Variants in ADAMTS18 observed in about 807,000 individuals in gnomAD.
ADAMTS18 encodes A disintegrin and metalloproteinase with thrombospondin motifs 18.
ADAMTS18 carries 157 observed loss-of-function variants against 165.9 expected under a neutral mutation model. The ratio of observed to expected loss-of-function variants is 0.95; its 90% CI spans 0.83 to 1.08. The LOEUF (loss-of-function observed/expected upper bound fraction) is 1.08. ADAMTS18 is among the 50% of genes least tolerant of loss of function. The pLI is 0.00. For synonymous variants in ADAMTS18, 782 were observed against 578.2 expected, an observed-to-expected ratio of 1.35 and a Z score of -5.06; for missense variants, 2,040 against 1,534.0, an observed-to-expected ratio of 1.33 and a Z score of -5.51.
rs772453654 is a variant in ADAMTS18, at chr16:77,297,263, C to G, written c.2801+26G>C. 25 of 1,613,842 alleles carry G rather than the reference C, an allele frequency of 1.5e-5. No individual in the cohort carries two copies. In the South Asian group the frequency reaches 1.9e-4, roughly 12 times the overall value. On this transcript the variant is annotated intron_variant, in intron 18 of 22. Coordinates refer to ENST00000282849, the MANE Select transcript of ADAMTS18 (RefSeq NM_199355.4). Reference sequence around the variant, plus strand: ...GAAGGCATACAAGTACAAAACTAAACAAAAAGACACTTCCAAATGACTTAC... The same window carrying G: ...GAAGGCATACAAGTACAAAACTAAAGAAAAAGACACTTCCAAATGACTTAC...
chr16:77,297,184 T>A (rs553066737), intron 18 of ADAMTS18, 105 bp downstream of exon 18: 2 of 1,497,408 alleles, frequency 1.3e-6, no homozygotes, highest in African/African-American at 2.8e-5. Context: ...TACCTTTGAA[T>A]CACTTTCCAT....
At chr16:77,377,450 A>G (rs1205646017) in intron 3 of ADAMTS18, among the ~76,000 whole-genome samples, 1 of 152,268 alleles carries the variant, frequency 6.6e-6, no homozygotes, top group Non-Finnish European at 1.5e-5. Context: ...ATCAAAATTT[A>G]AAAGATCTAA....
intron 3 of ADAMTS18, among the ~76,000 whole-genome samples, chr16:77,400,366 G>A (rs992093699): frequency 6.6e-6 from 1 of 151,884 alleles, no homozygotes; most frequent in Non-Finnish European, 1.5e-5. Context: ...TAAGACCCCT[G>A]GGACTACCCC....
intron 3 of ADAMTS18, among the ~76,000 whole-genome samples, chr16:77,396,483 A>G (rs1397985067): frequency 6.6e-6 from 1 of 152,238 alleles, no homozygotes; most frequent in Non-Finnish European, 1.5e-5. Flanking sequence ...CATGAGTAGT[A>G]TAATTTTTGA....
chr16:77,349,873 G>C (rs565906021), intron 10 of ADAMTS18, among the ~76,000 whole-genome samples: 1 of 152,182 alleles, frequency 6.6e-6, no homozygotes, highest in East Asian at 1.9e-4. Flanking sequence ...TCTTCCCCAC[G>C]ATTTCTACTC....
At chr16:77,321,727 ATTC>A (rs2056002141) in intron 14 of ADAMTS18, among the ~76,000 whole-genome samples, 1 of 152,252 alleles carries the variant, frequency 6.6e-6, no homozygotes, top group Non-Finnish European at 1.5e-5. Context: ...TATTATTTAC[ATTC>A]TTATTTCATT....
intron 10 of ADAMTS18, among the ~76,000 whole-genome samples, chr16:77,344,664 G>A (rs1312101550): frequency 1.3e-5 from 2 of 152,002 alleles, no homozygotes; most frequent in African/African-American, 4.8e-5. Flanking sequence ...AGAAAAGGAG[G>A]GCTAGCTGTC....
chr16:77,395,798 C>T (rs963221783), intron 3 of ADAMTS18, among the ~76,000 whole-genome samples: 1 of 151,920 alleles, frequency 6.6e-6, no homozygotes. Flanking sequence ...CAATAAGACC[C>T]TCGAGAAATT....
Position 77,410,267 on chromosome 16 carries a change from C to T in ADAMTS18, c.495+21028G>A, listed in dbSNP as rs543697729. ...TAACCAACTGAATTGATTTATGACC[C>T]AAGAATTGGTTGCAACCCAAATTTG... On this transcript the variant is annotated intron_variant, in intron 3 of 22. Transcript: ENST00000282849. Among the ~76,000 whole-genome samples the T allele has an allele frequency of 2.8e-5, 4 of 145,104 alleles. No homozygotes were observed. The East Asian group carries it at 6.0e-4, about 22-fold the overall frequency.
At chr16:77,391,240 T>G (rs1316923151) in intron 3 of ADAMTS18, among the ~76,000 whole-genome samples, 1 of 152,110 alleles carries the variant, frequency 6.6e-6, no homozygotes, top group Non-Finnish European at 1.5e-5. Flanking sequence ...TGATGGCTCA[T>G]GCCTGTAACC....
intron 10 of ADAMTS18, among the ~76,000 whole-genome samples, chr16:77,346,906 C>A (rs761619272): frequency 1.1e-4 from 16 of 152,164 alleles, no homozygotes; most frequent in African/African-American, 3.9e-4. Context: ...ATAAACACCA[C>A]CACATTCAAG....
At chr16:77,295,244 A>C in intron 18 of ADAMTS18, 117 bp from the exon 19 acceptor site, 1 of 1,009,452 alleles carries the variant, frequency 9.9e-7, no homozygotes, top group Non-Finnish European at 1.5e-6. Context: ...CAGAACCAAT[A>C]AGATAAGTTA....
chr16:77,374,726 C>T (rs540462029), intron 3 of ADAMTS18, among the ~76,000 whole-genome samples: 1 of 152,178 alleles, frequency 6.6e-6, no homozygotes, highest in South Asian at 2.1e-4. Flanking sequence ...AACTCAAATG[C>T]ATAGAGAAAA....
intron 16 of ADAMTS18, among the ~76,000 whole-genome samples, chr16:77,309,699 G>A (rs1305392186): frequency 6.6e-6 from 1 of 152,068 alleles, no homozygotes; most frequent in Non-Finnish European, 1.5e-5. Flanking sequence ...TATTTCTTGG[G>A]GTTAACTGAC....
At chr16:77,295,378 CCACTTTAAAATCTG>C (rs61343109) in intron 18 of ADAMTS18, among the ~76,000 whole-genome samples, 32,323 of 152,042 alleles carry the variant, frequency 0.21, 4,043 homozygotes, top group East Asian at 0.44. Flanking sequence ...GAAATACATG[CCACTTTAAAATCTG>C]CACAATTCAT....
At chr16:77,434,328 G>A (rs569674076) in intron 2 of ADAMTS18, 90 bp downstream of exon 2, 6 of 1,430,432 alleles carry the variant, frequency 4.2e-6, no homozygotes, top group Non-Finnish European at 5.7e-6. Flanking sequence ...AGGTTAGGGG[G>A]TGCGCTTTTC....
chr16:77,431,200 G>C (rs2144867532), intron 3 of ADAMTS18, 95 bp downstream of exon 3: 1 of 1,336,794 alleles, frequency 7.5e-7, no homozygotes, highest in South Asian at 1.2e-5. Context: ...AATGTGTGGA[G>C]TTGGCTGGAA....
rs185101338 is a variant in ADAMTS18, at chr16:77,409,822, A to G, written c.495+21473T>C. Among the ~76,000 whole-genome samples the G allele has an allele frequency of 8.4e-4, 127 of 151,658 alleles. 1 individual carries two copies. The highest frequency in any genetic ancestry group is 3.0e-3 in the African/African-American group (123 of 41,396). On this transcript the variant is annotated intron_variant, in intron 3 of 22. Transcript: ENST00000282849. ...TCTTTCTTGTGCTTTTGGAGTAAAG[A>G]AAAAAAAAGGCACCAATGTATAGAG...
intron 13 of ADAMTS18, among the ~76,000 whole-genome samples, chr16:77,325,430 C>G (rs930403283): frequency 6.6e-6 from 1 of 152,080 alleles, no homozygotes; most frequent in Non-Finnish European, 1.5e-5. Context: ...CGTGCATGCA[C>G]ACACTCTACA....
Sources: allele counts gnomAD v4.1 joint callset (sites outside exome capture counted in the v4.1 genomes callset), GRCh38; gene constraint gnomAD v4.1.1; transcripts MANE v1.5; gene names NCBI Gene and HGNC (gene_info 2026-07-23, HGNC 2026-07-21).